Variants in STK3 observed in about 807,000 individuals in gnomAD.
The protein encoded by STK3 is serine/threonine-protein kinase 3.
In STK3, 41 loss-of-function variants were observed where a neutral mutation model predicts 58.0. That is an observed-to-expected ratio of 0.71 (90% confidence interval 0.55 to 0.92). The LOEUF is 0.92. STK3 is among the 40% of genes least tolerant of loss of function. The probability of loss-of-function intolerance (pLI) is 0.00; values close to 1 mark genes in which losing one functional copy is unlikely to be tolerated. For synonymous variants in STK3, 170 were observed against 191.0 expected, an observed-to-expected ratio of 0.89 and a Z score of 0.91; for missense variants, 479 against 602.7, an observed-to-expected ratio of 0.79 and a Z score of 2.15.
chr8:98,809,518 A>G (rs1834089810), intron 1 of STK3, among the ~76,000 whole-genome samples: 1 of 152,208 alleles, frequency 6.6e-6, no homozygotes, highest in South Asian at 2.1e-4. Flanking sequence ...CCACTTCCCC[A>G]TAGTCCCGTG....
intron 1 of STK3, among the ~76,000 whole-genome samples, chr8:98,814,052 A>G (rs575046639): frequency 6.6e-6 from 1 of 152,012 alleles, no homozygotes; most frequent in Non-Finnish European, 1.5e-5. Context: ...TCTTTAATTG[A>G]TTTTTTTCTT....
chr8:98,940,976 T>C (rs956431066), intron 1 of STK3, among the ~76,000 whole-genome samples: 1 of 152,208 alleles, frequency 6.6e-6, no homozygotes, highest in Non-Finnish European at 1.5e-5. Flanking sequence ...CGCGACTCTT[T>C]CTCTGCAGCA....
chr8:98,518,378 T>G (rs548799252), intron 10 of STK3, among the ~76,000 whole-genome samples: 32 of 152,190 alleles, frequency 2.1e-4, no homozygotes, highest in Non-Finnish European at 4.4e-4. Flanking sequence ...AACAGCACCA[T>G]TAGGAATAAG....
intron 1 of STK3, among the ~76,000 whole-genome samples, chr8:98,784,559 A>G (rs1832334031): frequency 6.6e-6 from 1 of 152,074 alleles, no homozygotes; most frequent in African/African-American, 2.4e-5. Flanking sequence ...CTGGACAAGC[A>G]GGCTGAACCA....
chr8:98,859,390 C>A lies in STK3; in HGVS notation c.110+24257G>T, dbSNP rs140346364. On this transcript the variant is annotated intron_variant, in intron 3 of 12. Transcript: ENST00000523601. ...AACTAGGCAAAGCGAAAACAGCAGA[C>A]AATTTTGGCCTATATATAAGTTAAC... Among the ~76,000 whole-genome samples, 78 of 152,250 alleles carry A rather than the reference C, an allele frequency of 5.1e-4. 1 individual carries two copies. Among genetic ancestry groups the A allele is most frequent in the African/African-American group, 1.7e-3 (72 of 41,544 alleles).
At chr8:98,628,819 C>CA (rs10571679) in intron 6 of STK3, among the ~76,000 whole-genome samples, 58 of 64,068 alleles carry the variant, frequency 9.1e-4, no homozygotes, top group East Asian at 2.4e-3. Flanking sequence ...CTCCACACTC[C>CA]AAAAAAAAAA....
At chr8:98,899,999 A>G (rs2131948989) in intron 1 of STK3, among the ~76,000 whole-genome samples, 1 of 152,242 alleles carries the variant, frequency 6.6e-6, no homozygotes, top group East Asian at 1.9e-4. Flanking sequence ...GGCTAGTAAT[A>G]TAAATGTATA....
intron 1 of STK3, among the ~76,000 whole-genome samples, chr8:98,898,006 T>C (rs1294402047): frequency 6.6e-6 from 1 of 152,222 alleles, no homozygotes; most frequent in East Asian, 1.9e-4. Context: ...CCTTTTATCT[T>C]CTGGGCCTCG....
chr8:98,536,819 G>A (rs1257320927), intron 9 of STK3, among the ~76,000 whole-genome samples: 2 of 152,218 alleles, frequency 1.3e-5, no homozygotes, highest in Non-Finnish European at 2.9e-5. Context: ...AATGGAGGAT[G>A]TAGGGAGAAG....
Position 98,538,440 on chromosome 8 carries a change from T to C in STK3, c.1141+9529A>G, listed in dbSNP as rs539893286. The stretch of plus-strand genomic sequence containing the variant: ...TGCACAAAGGTTAAAGAGACTGAAA[T>C]TATTCAGCCAAGAAAAGTCAAGTCT... On this transcript the variant is annotated intron_variant, in intron 9 of 10. Transcript: ENST00000419617. Among the ~76,000 whole-genome samples, 34 of 152,278 alleles carry C rather than the reference T, an allele frequency of 2.2e-4. 1 individual carries two copies. The South Asian group carries it at 7.0e-3, about 32-fold the overall frequency.
chr8:98,402,343 C>A (rs1817951126), intron 3 of STK3, among the ~76,000 whole-genome samples: 1 of 152,196 alleles, frequency 6.6e-6, no homozygotes, highest in African/African-American at 2.4e-5. Context: ...TCCTGGCCTG[C>A]ATATCTTGAG....
intron 2 of STK3, among the ~76,000 whole-genome samples, chr8:98,773,817 A>G (rs1831481024): frequency 6.7e-6 from 1 of 148,604 alleles, no homozygotes; most frequent in Non-Finnish European, 1.5e-5. Context: ...ATTTTTTGAG[A>G]CGGAGCTTCG....
At chr8:98,719,182 C>T (rs1027888400) in intron 4 of STK3, among the ~76,000 whole-genome samples, 6 of 152,114 alleles carry the variant, frequency 3.9e-5, no homozygotes, top group African/African-American at 1.2e-4. Context: ...CTGTCATGTG[C>T]ACCTAGCTTT....
intron 1 of STK3, among the ~76,000 whole-genome samples, chr8:98,941,315 T>TTGG (rs1332325422): frequency 3.3e-5 from 5 of 152,188 alleles, no homozygotes; most frequent in Non-Finnish European, 7.4e-5. Flanking sequence ...CAGGCGTCCT[T>TTGG]GCTACTCCAG....
intron 6 of STK3, chr8:98,597,650 A>C: frequency 1.0e-6 from 1 of 985,406 alleles, no homozygotes; most frequent in Non-Finnish European, 1.2e-6. Flanking sequence ...TAATTAGACT[A>C]ATTTAAACTA....
chr8:98,357,726 T>C, the STK3 span, among the ~76,000 whole-genome samples: 2 of 152,254 alleles, frequency 1.3e-5, no homozygotes, highest in Non-Finnish European at 2.9e-5. Context: ...TCCTGATAAT[T>C]TGGCCAAGGC....
At chr8:98,931,091 G>A (rs1056080051) in intron 1 of STK3, among the ~76,000 whole-genome samples, 2 of 152,188 alleles carry the variant, frequency 1.3e-5, no homozygotes, top group Non-Finnish European at 2.9e-5. Flanking sequence ...ACAGAGAGAT[G>A]AGGTATCCTT....
rs142348422 is a variant in STK3, at chr8:98,818,388, C to T, written c.26+7127G>A. Among the ~76,000 whole-genome samples the T allele has an allele frequency of 2.8e-3, 425 of 152,180 alleles. 4 individuals carry two copies. The highest frequency in any genetic ancestry group is 9.8e-3 in the African/African-American group (405 of 41,510). On this transcript the variant is annotated intron_variant, in intron 1 of 10. Transcript: ENST00000419617. Reference sequence around the variant, plus strand: ...AATGAGGAAATGAATGAAGTAAAGGCCGAATGCCAATTTTGCCATGAGTAG... The same window carrying T: ...AATGAGGAAATGAATGAAGTAAAGGTCGAATGCCAATTTTGCCATGAGTAG...
chr8:98,569,931 G>GTGTA (rs1554621912), intron 8 of STK3, among the ~76,000 whole-genome samples: 6 of 149,318 alleles, frequency 4.0e-5, no homozygotes, highest in Non-Finnish European at 4.4e-5. Context: ...GTGTGTGTGT[G>GTGTA]TGTATGTATA....
Sources: gnomAD v4.1 joint callset for allele counts (sites outside exome capture counted in the v4.1 genomes callset) on GRCh38, gnomAD v4.1.1 for gene constraint, MANE v1.5 for transcripts, NCBI Gene and HGNC (gene_info 2026-07-23, HGNC 2026-07-21) for gene names.